The following TRIML1 variants were observed in gnomAD, a reference collection of about 807,000 sequenced individuals.
TRIML1 encodes tripartite motif family like 1.
A neutral mutation model predicts 32.3 loss-of-function variants in TRIML1; 34 were observed. The ratio of observed to expected loss-of-function variants is 1.05; its 90% confidence interval spans 0.80 to 1.40. The LOEUF (loss-of-function observed/expected upper bound fraction) is 1.40. TRIML1 is among the 40% of genes most tolerant of loss of function. TRIML1 has a pLI of 0.00. For missense variants in TRIML1, 595 were observed against 574.9 expected (o/e 1.03, Z -0.36); for synonymous variants, 244 against 226.6 (o/e 1.08, Z -0.69).
intron 3 of TRIML1, 135 bp from the exon 4 acceptor site, chr4:188,143,703 T>C (rs1734948684): frequency 9.6e-7 from 1 of 1,043,356 alleles, no homozygotes; most frequent in Non-Finnish European, 1.5e-6. Flanking sequence ...TTTTCTCTGC[T>C]CTCTGTGCTC....
Position 188,140,745 on chromosome 4 carries a change from C to T in TRIML1, c.504+122C>T, listed in dbSNP as rs1007237607. 4.1e-6 allele frequency: 3 copies of T among 723,006 alleles called. No individual in the cohort carries two copies. The African/African-American group carries it at 5.4e-5, about 13-fold the overall frequency. 44.8% of individuals were successfully genotyped at this position (723,006 alleles called of 1,614,324 possible). ...TTTCCAGTCTCACCTCTAAAATATG[C>T]AGTTTCCTTGCATTGGGCTGCCTTC... On this transcript the variant is annotated intron_variant, in intron 2 of 5. Coordinates refer to ENST00000332517, the MANE Select transcript of TRIML1 (RefSeq NM_178556.5).
chr4:188,144,729 G>GC (rs1422555844), intron 5 of TRIML1, among the ~76,000 whole-genome samples: 2 of 151,688 alleles, frequency 1.3e-5, no homozygotes, highest in South Asian at 2.1e-4. Context: ...GTGCAGACAC[G>GC]CCCCCCTCAT....
At chr4:188,141,388 A>G (rs1259589178) in intron 2 of TRIML1, among the ~76,000 whole-genome samples, 1 of 150,986 alleles carries the variant, frequency 6.6e-6, no homozygotes, top group East Asian at 2.0e-4. Context: ...CTGATCTCGA[A>G]CTCCCGACCT....
At chr4:188,149,172 A>G (rs1735186339), downstream of TRIML1, among the ~76,000 whole-genome samples, 1 of 147,512 alleles carries the variant, frequency 6.8e-6, no homozygotes, top group Non-Finnish European at 1.5e-5. Flanking sequence ...ACCCGCCTCC[A>G]CCTCCCAAAG....
intron 5 of TRIML1, 115 bp downstream of exon 5, chr4:188,144,248 G>C (rs1432637928): frequency 8.0e-5 from 73 of 911,388 alleles, no homozygotes; most frequent in Non-Finnish European, 1.1e-4. Context: ...AGGAATCCGG[G>C]CCAGCACGGA....
upstream of TRIML1, among the ~76,000 whole-genome samples, chr4:188,137,295 CTTTTTTTTTTTTT>C (rs67050879): frequency 5.1e-5 from 3 of 58,758 alleles, no homozygotes; most frequent in African/African-American, 1.3e-4. Context: ...TTATTGTAGT[CTTTTTTTTTTTTT>C]TTTTTTTTTT....
intron 4 of TRIML1, 41 bp downstream of exon 4, chr4:188,143,901 C>G (rs11940009): frequency 0.12 from 194,438 of 1,612,768 alleles, 15,030 homozygotes; most frequent in East Asian, 0.3. Flanking sequence ...AGCTGCGGGG[C>G]AGTGGTGCTG....
intron 5 of TRIML1, among the ~76,000 whole-genome samples, chr4:188,144,464 G>T (rs893249203): frequency 5.5e-5 from 8 of 145,296 alleles, no homozygotes; most frequent in African/African-American, 2.0e-4. Context: ...CCGGGTTCAC[G>T]CCATTCTCCT....
downstream of TRIML1, among the ~76,000 whole-genome samples, chr4:188,150,168 C>T (rs1267641874): frequency 6.6e-6 from 1 of 151,504 alleles, no homozygotes; most frequent in East Asian, 2.0e-4. Flanking sequence ...CTCTTTTACC[C>T]AGCCTGGAGT....
chr4:188,141,769 C>G (rs1327454060), intron 2 of TRIML1, among the ~76,000 whole-genome samples: 1 of 152,062 alleles, frequency 6.6e-6, no homozygotes, highest in East Asian at 1.9e-4. Context: ...CCCAGCGCAT[C>G]AACAGATTAA....
At chr4:188,141,871 G>C (rs1345036043) in intron 2 of TRIML1, among the ~76,000 whole-genome samples, 3 of 152,040 alleles carry the variant, frequency 2.0e-5, no homozygotes. Flanking sequence ...CCAGCACTTT[G>C]GGAGGCTGAG....
intron 3 of TRIML1, chr4:188,143,576 C>T (rs1017242113): frequency 2.0e-6 from 1 of 496,516 alleles, no homozygotes; most frequent in African/African-American, 1.9e-5. Context: ...GTTTGCAGAA[C>T]AGGTTCCCTG....
chr4:188,139,984 C>T lies in TRIML1; in HGVS notation c.408+18C>T, dbSNP rs764125114. 2 of 1,581,526 alleles carry T rather than the reference C, an allele frequency of 1.3e-6. No individual in the cohort carries two copies. The highest frequency in any genetic ancestry group is 1.2e-5 in the South Asian group (1 of 86,326). ...ATCACAGAGTAAGACAGCTGCTCAG[C>T]ATGAACCCCACGACTCATCGCAGCT... On this transcript the variant is annotated intron_variant, in intron 1 of 5. Coordinates refer to ENST00000332517, the MANE Select transcript of TRIML1 (RefSeq NM_178556.5).
intron 2 of TRIML1, among the ~76,000 whole-genome samples, chr4:188,141,171 T>G (rs1734839701): frequency 6.8e-6 from 1 of 147,732 alleles, no homozygotes; most frequent in Non-Finnish European, 1.5e-5. Flanking sequence ...ATCTGTTTTT[T>G]TTTTTTTTTT....
chr4:188,150,102 C>A (rs889532780), downstream of TRIML1, among the ~76,000 whole-genome samples: 2 of 149,642 alleles, frequency 1.3e-5, no homozygotes, highest in East Asian at 2.0e-4. Context: ...CCGCGCCCGG[C>A]CTTATTTTAT....
At chr4:188,149,521 G>C (rs12507500), downstream of TRIML1, among the ~76,000 whole-genome samples, 548 of 152,242 alleles carry the variant, frequency 3.6e-3, 4 homozygotes, top group African/African-American at 0.012. Flanking sequence ...GTTTACTGTA[G>C]GGTGCGCTTA....
At chr4:188,141,528 C>T (rs1242344336) in intron 2 of TRIML1, among the ~76,000 whole-genome samples, 1 of 152,074 alleles carries the variant, frequency 6.6e-6, no homozygotes, top group Non-Finnish European at 1.5e-5. Flanking sequence ...TTTTGGTTAT[C>T]TGACACCTAC....
chr4:188,147,226 T>C lies in TRIML1; in HGVS notation c.1261T>C (p.Tyr421His), dbSNP rs199861732. ...LDYESGHIAFYNGTDESLIYS... is the reference protein window; with the variant it reads ...LDYESGHIAFHNGTDESLIYS... ...CTATGAATCTGGACATATAGCATTC[T>C]ACAACGGGACGGATGAATCCCTCAT... is the stretch of plus-strand genomic sequence containing the variant. Residue 421 changes from tyrosine (Y) to histidine (H), a missense_variant, in exon 6 of 6, where the codon TAC becomes CAC. Coordinates refer to ENST00000332517, the MANE Select transcript of TRIML1 (RefSeq NM_178556.5). The C allele has an allele frequency of 4.3e-5, 70 of 1,612,472 alleles. No individual in the cohort carries two copies. Among genetic ancestry groups the C allele is most frequent in the Non-Finnish European group, 5.7e-5 (67 of 1,179,348 alleles).
downstream of TRIML1, among the ~76,000 whole-genome samples, chr4:188,148,836 A>G (rs1199833148): frequency 2.7e-5 from 4 of 146,724 alleles, no homozygotes; most frequent in African/African-American, 7.6e-5. Flanking sequence ...CCCTGACCTC[A>G]GGTGATCTGC....
Sources: gnomAD v4.1 joint callset for allele counts (sites outside exome capture counted in the v4.1 genomes callset) on GRCh38, gnomAD v4.1.1 for gene constraint, MANE v1.5 for transcripts, NCBI Gene and HGNC (gene_info 2026-07-23, HGNC 2026-07-21) for gene names.